The following CACNB2 variants were observed in gnomAD, a reference collection of about 807,000 sequenced individuals.
The protein encoded by CACNB2 is calcium voltage-gated channel auxiliary subunit beta 2.
In CACNB2, 42 loss-of-function variants were observed where a neutral mutation model predicts 73.3. The observed-to-expected ratio is 0.57, with a 90% CI of 0.45 to 0.74. The LOEUF (loss-of-function observed/expected upper bound fraction) is 0.74. CACNB2 is among the 30% of genes least tolerant of loss of function. The probability of loss-of-function intolerance (pLI) is 0.00; values close to 1 mark genes in which losing one functional copy is unlikely to be tolerated. For synonymous variants in CACNB2, 348 were observed against 310.3 expected (o/e 1.12, Z -1.28); for missense variants, 940 against 853.0 (o/e 1.10, Z -1.27).
chr10:18,388,179 G>T (rs1247753555), intron 2 of CACNB2, among the ~76,000 whole-genome samples: 1 of 152,134 alleles, frequency 6.6e-6, no homozygotes, highest in South Asian at 2.1e-4. Context: ...AAATAGAGCA[G>T]ATATTTTCAT....
At position 18,376,491 on chromosome 10, in the gene CACNB2, A is replaced by G. The variant is rs575274946; in HGVS notation, c.214-25433A>G. Among the ~76,000 whole-genome samples, 3 of 152,300 alleles carry G rather than the reference A, an allele frequency of 2.0e-5. No homozygotes were observed. In the East Asian group the frequency reaches 5.8e-4, roughly 29 times the overall value. Reference sequence around the variant, plus strand: ...TAATTGTAAGAGTTAATGAAAGAGGAAAGAAACACAAAATGTGGCTGGACA... The same window carrying G: ...TAATTGTAAGAGTTAATGAAAGAGGGAAGAAACACAAAATGTGGCTGGACA... On this transcript the variant is annotated intron_variant, in intron 2 of 13. Coordinates refer to ENST00000324631, the MANE Select transcript of CACNB2 (RefSeq NM_201596.3).
At chr10:18,193,957 A>G (rs949101533) in intron 2 of CACNB2, among the ~76,000 whole-genome samples, 2 of 152,168 alleles carry the variant, frequency 1.3e-5, no homozygotes, top group Admixed American at 1.3e-4. Flanking sequence ...GATAAGTGCT[A>G]CAGAAAAAAA....
chr10:18,433,490 G>A (rs1249738923), intron 3 of CACNB2, among the ~76,000 whole-genome samples: 1 of 152,158 alleles, frequency 6.6e-6, no homozygotes, highest in East Asian at 1.9e-4. Context: ...AAAAATAGCT[G>A]ATGTTTCTGC....
Position 18,326,766 on chromosome 10 carries a change from G to A in CACNB2, c.214-75158G>A, listed in dbSNP as rs541960973. Among the ~76,000 whole-genome samples, 3 of 152,270 alleles carry A rather than the reference G, an allele frequency of 2.0e-5. No homozygotes were observed. The East Asian group carries it at 5.8e-4, about 29-fold the overall frequency. ...TTTTGAGACAGGGTCTCACTCTGTT[G>A]CCCAAGTTGGAGTACAGTGGTGTGA... On this transcript the variant is annotated intron_variant, in intron 2 of 13. Transcript: ENST00000324631.
At chr10:18,492,058 G>A (rs747666540) in intron 3 of CACNB2, among the ~76,000 whole-genome samples, 4 of 152,128 alleles carry the variant, frequency 2.6e-5, no homozygotes, top group East Asian at 1.9e-4. Flanking sequence ...ACTTACAGTC[G>A]TCTAGGAAGG....
intron 2 of CACNB2, among the ~76,000 whole-genome samples, chr10:18,302,708 G>A (rs1474923709): frequency 6.6e-6 from 1 of 152,118 alleles, no homozygotes; most frequent in Non-Finnish European, 1.5e-5. Flanking sequence ...AGGGGGAAAG[G>A]GTGGGAAGGG....
intron 3 of CACNB2, among the ~76,000 whole-genome samples, chr10:18,447,125 A>G (rs1162643489): frequency 6.6e-6 from 1 of 152,110 alleles, no homozygotes; most frequent in Non-Finnish European, 1.5e-5. Flanking sequence ...GATTTTCTGG[A>G]ACACTATTTT....
chr10:18,286,503 G>A (rs1281527460), intron 2 of CACNB2, among the ~76,000 whole-genome samples: 1 of 108,434 alleles, frequency 9.2e-6, no homozygotes, highest in Admixed American at 1.4e-4. Context: ...GGGCAAAAGA[G>A]CGAGATTCTG....
chr10:18,478,763 A>G (rs2048569445), intron 3 of CACNB2, among the ~76,000 whole-genome samples: 1 of 152,238 alleles, frequency 6.6e-6, no homozygotes, highest in Non-Finnish European at 1.5e-5. Flanking sequence ...ATCCAGGAAC[A>G]GAGATAAATT....
intron 3 of CACNB2, among the ~76,000 whole-genome samples, chr10:18,464,418 T>TAAAAA (rs762982462): frequency 0.021 from 1,828 of 85,120 alleles, 103 homozygotes; most frequent in African/African-American, 0.07. Context: ...TCTCAAAAAT[T>TAAAAA]AAAAAAAAAA....
At chr10:18,192,868 G>T (rs1279523342) in intron 2 of CACNB2, among the ~76,000 whole-genome samples, 1 of 152,024 alleles carries the variant, frequency 6.6e-6, no homozygotes, top group Non-Finnish European at 1.5e-5. Flanking sequence ...TAATATTTGT[G>T]TGCCACAAAT....
chr10:18,536,257 T>TTTTC lies in CACNB2; in HGVS notation c.1302+64_1302+65insCTTT. The TTTTC allele has an allele frequency of 2.5e-5, 17 of 668,264 alleles. No homozygotes were observed. The South Asian group carries it at 3.0e-4, about 12-fold the overall frequency. The allele number at this position is 668,264 out of a possible 1,614,324, so 41.4% of individuals were successfully genotyped here. ...AGAGATCAGACCTTTTTTTTTTTTTTTTTTTTTTTTTTTTTTGGGGGACAA... is the reference window on the plus strand; with the variant it reads ...AGAGATCAGACCTTTTTTTTTTTTTTTTTCTTTTTTTTTTTTTTTTGGGGGACAA... On this transcript the variant is annotated intron_variant, in intron 12 of 13. Coordinates refer to ENST00000324631, the MANE Select transcript of CACNB2 (RefSeq NM_201596.3).
At chr10:18,270,775 C>T (rs1192629881) in intron 2 of CACNB2, among the ~76,000 whole-genome samples, 1 of 152,078 alleles carries the variant, frequency 6.6e-6, no homozygotes, top group African/African-American at 2.4e-5. Flanking sequence ...CCTAATTATC[C>T]CTCTAGTTGT....
intron 2 of CACNB2, among the ~76,000 whole-genome samples, chr10:18,365,158 T>C (rs1267465654): frequency 6.6e-6 from 1 of 152,196 alleles, no homozygotes; most frequent in African/African-American, 2.4e-5. Context: ...TTCAACTTAC[T>C]CTTGTCTCAT....
At chr10:18,226,588 C>CGATCTG (rs2036001554) in intron 2 of CACNB2, among the ~76,000 whole-genome samples, 1 of 152,156 alleles carries the variant, frequency 6.6e-6, no homozygotes, top group Admixed American at 6.5e-5. Context: ...GTTGCTTCTA[C>CGATCTG]GATCTGCCGG....
At chr10:18,464,843 G>C (rs1019189899) in intron 3 of CACNB2, among the ~76,000 whole-genome samples, 1 of 152,256 alleles carries the variant, frequency 6.6e-6, no homozygotes, top group African/African-American at 2.4e-5. Context: ...TATGTATTTA[G>C]TGGTTAGAAC....
At chr10:18,365,499 T>G (rs927067605) in intron 2 of CACNB2, among the ~76,000 whole-genome samples, 1 of 152,198 alleles carries the variant, frequency 6.6e-6, no homozygotes, top group South Asian at 2.1e-4. Context: ...TTTTGGGCAT[T>G]ACTGTATTTT....
intron 3 of CACNB2, among the ~76,000 whole-genome samples, chr10:18,496,946 C>G (rs1049099493): frequency 6.6e-6 from 1 of 151,296 alleles, no homozygotes; most frequent in African/African-American, 2.4e-5. Flanking sequence ...CATGGTGTCT[C>G]GTACCTGTAA....
intron 2 of CACNB2, among the ~76,000 whole-genome samples, chr10:18,169,179 T>C (rs1172087241): frequency 6.9e-6 from 1 of 144,202 alleles, no homozygotes; most frequent in African/African-American, 2.6e-5. Flanking sequence ...TTTTATTATA[T>C]TTTTGGCATA....
Sources: allele counts gnomAD v4.1 joint callset (sites outside exome capture counted in the v4.1 genomes callset), GRCh38; gene constraint gnomAD v4.1.1; transcripts MANE v1.5; gene names NCBI Gene and HGNC (gene_info 2026-07-23, HGNC 2026-07-21).